DMRT1: variants seen among roughly 807,000 people sequenced by gnomAD.
DMRT1 encodes the protein doublesex and mab-3 related transcription factor 1.
DMRT1 carries 7 observed loss-of-function variants against 32.3 expected under a neutral mutation model. That is an observed-to-expected ratio of 0.22 (90% CI 0.12 to 0.41). The LOEUF (loss-of-function observed/expected upper bound fraction) is 0.41, where lower values mean the gene tolerates loss of function less well. Ranked by LOEUF, DMRT1 falls within the 10% of genes least tolerant of loss-of-function variation. The probability of loss-of-function intolerance (pLI) is 1.00; values close to 1 mark genes in which losing one functional copy is unlikely to be tolerated. For synonymous variants in DMRT1, 278 were observed against 206.1 expected, an observed-to-expected ratio of 1.35 and a Z score of -2.99; for missense variants, 625 against 500.5, an observed-to-expected ratio of 1.25 and a Z score of -2.37.
chr9:871,136 A>G (rs996072901), intron 2 of DMRT1, among the ~76,000 whole-genome samples: 14 of 151,628 alleles, frequency 9.2e-5, no homozygotes, highest in African/African-American at 3.4e-4. Context: ...TTCTGGGCTC[A>G]AGCCATCATC....
At chr9:900,152 G>A (rs1256466907) in intron 3 of DMRT1, among the ~76,000 whole-genome samples, 3 of 61,076 alleles carry the variant, frequency 4.9e-5, no homozygotes, top group African/African-American at 1.2e-4. Flanking sequence ...GTTGGGGATT[G>A]CCTAAACCTT....
intron 2 of DMRT1, among the ~76,000 whole-genome samples, chr9:865,965 A>G (rs1815964151): frequency 6.6e-6 from 1 of 151,934 alleles, no homozygotes; most frequent in Non-Finnish European, 1.5e-5. Context: ...GGAGTTCGAG[A>G]CCAGCCTGGC....
intron 2 of DMRT1, among the ~76,000 whole-genome samples, chr9:875,195 A>T (rs1816445287): frequency 6.6e-6 from 1 of 152,144 alleles, no homozygotes; most frequent in Non-Finnish European, 1.5e-5. Context: ...AAATTTTAAA[A>T]AACATGTCTT....
chr9:901,797 C>G (rs1817586911), intron 3 of DMRT1, among the ~76,000 whole-genome samples: 1 of 151,906 alleles, frequency 6.6e-6, no homozygotes. Flanking sequence ...GCCCTGGGCC[C>G]TCTCACCCTT....
chr9:843,639 T>C (rs1425380460), intron 1 of DMRT1, among the ~76,000 whole-genome samples: 1 of 152,234 alleles, frequency 6.6e-6, no homozygotes, highest in Non-Finnish European at 1.5e-5. Flanking sequence ...AAGGCAGTAA[T>C]CCACGTTATT....
At chr9:925,650 A>G (rs1332351135) in intron 4 of DMRT1, among the ~76,000 whole-genome samples, 4 of 151,982 alleles carry the variant, frequency 2.6e-5, no homozygotes, top group Non-Finnish European at 5.9e-5. Context: ...TTTTCTCTTC[A>G]TTTCCTTCCT....
intron 2 of DMRT1, among the ~76,000 whole-genome samples, chr9:852,056 G>T (rs12342922): frequency 6.6e-6 from 1 of 151,254 alleles, no homozygotes; most frequent in East Asian, 1.9e-4. Flanking sequence ...TCTGGTGCCT[G>T]AGCCTCTTGA....
At chr9:880,379 A>G (rs916220155) in intron 2 of DMRT1, among the ~76,000 whole-genome samples, 2 of 152,130 alleles carry the variant, frequency 1.3e-5, no homozygotes, top group African/African-American at 4.8e-5. Context: ...ACATTTTTTT[A>G]AAGTTTTAAC....
At chr9:911,723 C>A (rs1328238811) in intron 3 of DMRT1, among the ~76,000 whole-genome samples, 1 of 152,076 alleles carries the variant, frequency 6.6e-6, no homozygotes, top group East Asian at 1.9e-4. Context: ...AACTCCTGAC[C>A]TCAGGTGATC....
chr9:930,915 T>A (rs760754324), intron 4 of DMRT1, among the ~76,000 whole-genome samples: 29 of 152,268 alleles, frequency 1.9e-4, no homozygotes, highest in South Asian at 6.2e-4. Flanking sequence ...AAATGTATGA[T>A]TCATTGGATT....
intron 4 of DMRT1, among the ~76,000 whole-genome samples, chr9:945,475 A>C (rs1819212410): frequency 6.6e-6 from 1 of 152,162 alleles, no homozygotes; most frequent in Non-Finnish European, 1.5e-5. Context: ...CTTTCATAAT[A>C]ATTTCCAATC....
At chr9:962,059 G>A (rs1386913134) in intron 4 of DMRT1, among the ~76,000 whole-genome samples, 1 of 152,144 alleles carries the variant, frequency 6.6e-6, no homozygotes, top group East Asian at 1.9e-4. Flanking sequence ...TTACTAAAGG[G>A]AATTAAAAGC....
At chr9:886,970 T>C (rs967138061) in intron 2 of DMRT1, among the ~76,000 whole-genome samples, 2 of 152,192 alleles carry the variant, frequency 1.3e-5, no homozygotes, top group Non-Finnish European at 2.9e-5. Context: ...ACTCAGCAGT[T>C]GAACAAGCAT....
chr9:946,769 T>G (rs112239268), intron 4 of DMRT1, among the ~76,000 whole-genome samples: 1 of 152,172 alleles, frequency 6.6e-6, no homozygotes, highest in Admixed American at 6.5e-5. Context: ...GTGTTTCCAC[T>G]TGGGCTGAAA....
At chr9:891,716 G>A (rs1039893381) in intron 2 of DMRT1, among the ~76,000 whole-genome samples, 27 of 151,290 alleles carry the variant, frequency 1.8e-4, no homozygotes, top group Admixed American at 1.8e-3. Context: ...AGTAGAGACA[G>A]GGTTTCACCG....
chr9:935,882 C>G (rs1246626872), intron 4 of DMRT1, among the ~76,000 whole-genome samples: 2 of 152,230 alleles, frequency 1.3e-5, no homozygotes, highest in East Asian at 1.9e-4. Flanking sequence ...GTGAATAGCA[C>G]TTCACTGCTG....
intron 2 of DMRT1, among the ~76,000 whole-genome samples, chr9:891,910 C>A (rs1817166848): frequency 1.3e-5 from 2 of 152,126 alleles, no homozygotes; most frequent in African/African-American, 4.8e-5. Context: ...AAATATTGAC[C>A]CACTGTGTCT....
At chr9:876,774 TCC>T (rs1005052685) in intron 2 of DMRT1, among the ~76,000 whole-genome samples, 3 of 152,246 alleles carry the variant, frequency 2.0e-5, no homozygotes, top group Middle Eastern at 3.4e-3. Flanking sequence ...CAAGCAATCC[TCC>T]CGCCTTGGCC....
chr9:910,271 A>C (rs1315752888), intron 3 of DMRT1, among the ~76,000 whole-genome samples: 1 of 152,156 alleles, frequency 6.6e-6, no homozygotes. Flanking sequence ...TTAATGAAAA[A>C]GGCATCATCT....
Sources: gnomAD v4.1 joint callset for allele counts (sites outside exome capture counted in the v4.1 genomes callset) on GRCh38, gnomAD v4.1.1 for gene constraint, MANE v1.5 for transcripts, NCBI Gene and HGNC (gene_info 2026-07-23, HGNC 2026-07-21) for gene names.